NUBPL: variants seen among roughly 807,000 people sequenced by gnomAD.
The protein encoded by NUBPL is iron-sulfur cluster transfer protein NUBPL.
In NUBPL, 31 loss-of-function variants were observed where a neutral mutation model predicts 45.7. The observed-to-expected ratio is 0.68, with a 90% CI of 0.51 to 0.92. The LOEUF (loss-of-function observed/expected upper bound fraction) is 0.92. Among genes scored for constraint, NUBPL ranks in the 40% least tolerant of loss-of-function variants. The probability of loss-of-function intolerance (pLI) is 0.00; values close to 1 mark genes in which losing one functional copy is unlikely to be tolerated. For synonymous variants in NUBPL, 144 were observed against 140.9 expected (o/e 1.02, Z -0.15); for missense variants, 401 against 398.7 (o/e 1.01, Z -0.05).
chr14:31,659,771 A>C (rs1450140356), intron 4 of NUBPL, among the ~76,000 whole-genome samples: 1 of 152,192 alleles, frequency 6.6e-6, no homozygotes, highest in Admixed American at 6.5e-5. Flanking sequence ...GAAAAGCTGA[A>C]GTTCTCAATG....
intron 6 of NUBPL, among the ~76,000 whole-genome samples, chr14:31,697,552 A>G (rs1198660620): frequency 3.3e-5 from 5 of 152,240 alleles, no homozygotes; most frequent in Non-Finnish European, 5.9e-5. Context: ...TTATTCTGCA[A>G]TGCCAAGGTG....
At chr14:31,848,078 T>C (rs1395445206) in intron 9 of NUBPL, among the ~76,000 whole-genome samples, 2 of 152,358 alleles carry the variant, frequency 1.3e-5, no homozygotes, top group East Asian at 3.9e-4. Flanking sequence ...GAAACAATGG[T>C]ATGTATGGAA....
At chr14:31,638,608 T>C (rs1373569796) in intron 4 of NUBPL, among the ~76,000 whole-genome samples, 3 of 152,168 alleles carry the variant, frequency 2.0e-5, no homozygotes, top group African/African-American at 7.2e-5. Flanking sequence ...TGGCGTTCTC[T>C]GTATTTCCTG....
chr14:31,775,006 T>C (rs1226080844), intron 6 of NUBPL, among the ~76,000 whole-genome samples: 2 of 152,198 alleles, frequency 1.3e-5, no homozygotes, highest in Admixed American at 1.3e-4. Context: ...AGGATTTATG[T>C]CAGTAAATGA....
At chr14:31,578,254 A>G (rs1484764901) in intron 3 of NUBPL, among the ~76,000 whole-genome samples, 2 of 152,248 alleles carry the variant, frequency 1.3e-5, no homozygotes, top group African/African-American at 4.8e-5. Flanking sequence ...CTCTTATTCT[A>G]ATATGCCAGA....
intron 4 of NUBPL, among the ~76,000 whole-genome samples, chr14:31,618,859 G>A (rs779523795): frequency 3.9e-5 from 6 of 152,052 alleles, no homozygotes; most frequent in South Asian, 2.1e-4. Flanking sequence ...TTTCTGTCTC[G>A]TAGATCTGTC....
chr14:31,594,142 G>C (rs1229436462), intron 3 of NUBPL, among the ~76,000 whole-genome samples: 1 of 152,122 alleles, frequency 6.6e-6, no homozygotes, highest in Non-Finnish European at 1.5e-5. Flanking sequence ...TATTGGCCAG[G>C]TGTGGTGGCT....
At chr14:31,836,954 A>T (rs2040290852) in intron 8 of NUBPL, among the ~76,000 whole-genome samples, 1 of 152,228 alleles carries the variant, frequency 6.6e-6, no homozygotes, top group South Asian at 2.1e-4. Context: ...ATAAAAGAAG[A>T]TTATCACATT....
rs112338858 is a variant in NUBPL, at chr14:31,653,388, G to A, written c.383-19967G>A. On this transcript the variant is annotated intron_variant, in intron 4 of 10. Transcript: ENST00000281081. ...TAAGACAGACACTCCCAGAGCAGCC[G>A]TTTATAGACCTCCCCCGAGGAATGC... is the stretch of plus-strand genomic sequence containing the variant. Among the ~76,000 whole-genome samples the A allele has an allele frequency of 2.0e-4, 30 of 152,178 alleles. 1 individual carries two copies. The highest frequency in any genetic ancestry group is 5.5e-4 in the African/African-American group (23 of 41,512).
chr14:31,795,154 G>C (rs1481289377), intron 7 of NUBPL, among the ~76,000 whole-genome samples: 2 of 150,466 alleles, frequency 1.3e-5, no homozygotes, highest in East Asian at 4.0e-4. Context: ...ATAGTTTGAA[G>C]TCAGGTAGTG....
At chr14:31,570,679 C>T (rs1255664941) in intron 3 of NUBPL, among the ~76,000 whole-genome samples, 1 of 152,150 alleles carries the variant, frequency 6.6e-6, no homozygotes, top group African/African-American at 2.4e-5. Context: ...TCCCATTGTT[C>T]TATTTCCACT....
intron 3 of NUBPL, among the ~76,000 whole-genome samples, chr14:31,578,580 A>T (rs2033778755): frequency 6.6e-6 from 1 of 152,248 alleles, no homozygotes; most frequent in Non-Finnish European, 1.5e-5. Flanking sequence ...TGATGTAATA[A>T]GACAAAACTC....
intron 6 of NUBPL, among the ~76,000 whole-genome samples, chr14:31,723,676 A>G (rs1371772636): frequency 2.0e-5 from 3 of 151,864 alleles, no homozygotes; most frequent in Non-Finnish European, 2.9e-5. Context: ...CTGGTTTGCT[A>G]TACTTGTAGG....
At chr14:31,859,010 T>G in intron 10 of NUBPL, 108 bp from the exon 11 acceptor site, 1 of 893,952 alleles carries the variant, frequency 1.1e-6, no homozygotes, top group Admixed American at 1.9e-5. Flanking sequence ...CTCATCTCAC[T>G]CAGCCTTTTT....
intron 7 of NUBPL, 61 bp downstream of exon 7, chr14:31,787,934 A>C (rs2039313529): frequency 1.8e-6 from 2 of 1,141,764 alleles, no homozygotes; most frequent in East Asian, 4.8e-5. Flanking sequence ...TTGCTATACC[A>C]AAAAACAAAC....
intron 6 of NUBPL, among the ~76,000 whole-genome samples, chr14:31,727,043 T>G (rs191646387): frequency 2.0e-5 from 3 of 152,288 alleles, no homozygotes; most frequent in Admixed American, 2.0e-4. Flanking sequence ...TCAGCTCTTG[T>G]TGAGTTAGCG....
intron 4 of NUBPL, among the ~76,000 whole-genome samples, chr14:31,664,781 CTGT>C (rs1347512214): frequency 6.6e-6 from 1 of 152,116 alleles, no homozygotes; most frequent in Non-Finnish European, 1.5e-5. Flanking sequence ...TCCCTCTTTT[CTGT>C]TGTTTGTAAT....
intron 8 of NUBPL, among the ~76,000 whole-genome samples, chr14:31,838,472 G>A (rs2040319532): frequency 6.6e-6 from 1 of 151,920 alleles, no homozygotes; most frequent in Admixed American, 6.6e-5. Context: ...TGAATCACTT[G>A]GACACAAAAA....
chr14:31,618,252 G>T (rs1307798394), intron 4 of NUBPL, among the ~76,000 whole-genome samples: 1 of 151,848 alleles, frequency 6.6e-6, no homozygotes, highest in Non-Finnish European at 1.5e-5. Context: ...TTTTTTGAAG[G>T]GTGTTTTGTG....
Sources: allele counts gnomAD v4.1 joint callset (sites outside exome capture counted in the v4.1 genomes callset), GRCh38; gene constraint gnomAD v4.1.1; transcripts MANE v1.5; gene names NCBI Gene and HGNC (gene_info 2026-07-23, HGNC 2026-07-21).